Variants in LY75 observed in about 807,000 individuals in gnomAD.
LY75 encodes the protein lymphocyte antigen 75, also known as C-type lectin domain family 13 member B.
Under a neutral mutation model 231.7 loss-of-function variants are expected in LY75, and 185 were observed. That is an observed-to-expected ratio of 0.80 (90% CI 0.71 to 0.90). The LOEUF is 0.90. Among genes scored for constraint, LY75 ranks in the 40% least tolerant of loss-of-function variants. LY75 has a pLI of 0.00. For missense variants in LY75, 1,947 were observed against 2,050.2 expected (o/e 0.95, Z 0.97); for synonymous variants, 668 against 689.0 (o/e 0.97, Z 0.48).
intron 12 of LY75, among the ~76,000 whole-genome samples, chr2:159,874,630 A>G (rs183244023): frequency 6.3e-3 from 67 of 10,618 alleles, no homozygotes; most frequent in East Asian, 0.036. Context: ...ATATATAGTA[A>G]ATATATGTAA....
chr2:159,854,843 C>G (rs1410832426), intron 17 of LY75, 61 bp downstream of exon 17: 2 of 1,595,244 alleles, frequency 1.3e-6, no homozygotes, highest in African/African-American at 2.7e-5. Context: ...AAATAATTAA[C>G]TAAATGCATT....
chr2:159,877,294 T>C (rs1196017482), intron 11 of LY75, among the ~76,000 whole-genome samples: 1 of 152,160 alleles, frequency 6.6e-6, no homozygotes, highest in Non-Finnish European at 1.5e-5. Flanking sequence ...GTCTTCATGA[T>C]CACATTAGAC....
rs375283084 is a variant in LY75 at position 159,803,418 on chromosome 2, T to G, written c.*1626A>C. 3 of 152,320 alleles carry G rather than the reference T, an allele frequency of 2.0e-5. No homozygotes were observed. In the South Asian group the frequency reaches 6.2e-4, roughly 32 times the overall value. 9.4% of individuals were successfully genotyped at this position (152,320 alleles called of 1,614,324 possible). A position where few individuals can be genotyped will look rare whatever the true frequency, so the allele number is the denominator to read the frequency against. ...ACATCACCATTATATACAGCTGTGC[T>G]TTTCACATCAAGTTGGCTTAGTTCT... On this transcript the variant is annotated 3_prime_UTR_variant, in exon 35 of 35. Coordinates refer to ENST00000263636, the MANE Select transcript of LY75 (RefSeq NM_002349.4).
At chr2:159,874,446 C>A (rs375046040) in intron 12 of LY75, among the ~76,000 whole-genome samples, 3 of 40,114 alleles carry the variant, frequency 7.5e-5, no homozygotes, top group Admixed American at 3.2e-4. Context: ...TTTTGTAAAT[C>A]TATATAAATA....
Position 159,885,273 on chromosome 2 carries a change from T to C in LY75, c.934A>G (p.Ile312Val), listed in dbSNP as rs754214578. 1 of 1,613,344 alleles carries C rather than the reference T, an allele frequency of 6.2e-7. No homozygotes were observed. The highest frequency in any genetic ancestry group is 8.5e-7 in the Non-Finnish European group (1 of 1,179,576). Residue 312 changes from isoleucine (I) to valine (V), a missense_variant, in exon 6 of 35, where the codon ATA becomes GTA. Ile to Val is a conservative substitution (Grantham distance 29). Coordinates refer to ENST00000263636, the MANE Select transcript of LY75 (RefSeq NM_002349.4). ...ATTCTTGCACAGCTGGAGCCACCTA[T>C]AGTAGGTGCACTGGGCCTGTCTTAA... ...WDPDRPSAPT[I>V]GGSSCARMDA...
intron 2 of LY75, among the ~76,000 whole-genome samples, chr2:159,897,939 C>G (rs12617388): frequency 0.16 from 24,797 of 152,100 alleles, 2,423 homozygotes; most frequent in East Asian, 0.32. Context: ...TACTTATTTT[C>G]GGAAGCAACT....
At position 159,848,093 on chromosome 2, in the gene LY75, T is replaced by TACACACACACACACACACACACAC. The variant is rs773757343; in HGVS notation, c.3150+1886_3150+1887insGTGTGTGTGTGTGTGTGTGTGTGT. ...GTATATATATATATATATATATATA[T>TACACACACACACACACACACACAC]ACACACACACATACACACACCATAT... On this transcript the variant is annotated intron_variant, in intron 23 of 34. Transcript: ENST00000263636. Among the ~76,000 whole-genome samples, 100 of 28,314 alleles carry TACACACACACACACACACACACAC rather than the reference T, an allele frequency of 3.5e-3. 1 individual carries two copies. Among genetic ancestry groups the TACACACACACACACACACACACAC allele is most frequent in the South Asian group, 0.012 (14 of 1,136 alleles). 18.6% of individuals were successfully genotyped at this position (28,314 alleles called of 152,430 possible).
rs747278842 is a variant in LY75, at chr2:159,864,851, A to C, written c.2187T>G (p.Ser729Arg). 1.4e-5 allele frequency: 23 copies of C among 1,600,054 alleles called. No homozygotes were observed. In the African/African-American group the frequency reaches 2.6e-4, roughly 18 times the overall value. Residue 729 changes from serine (S) to arginine (R), a missense_variant, in exon 14 of 35, where the codon AGT (serine) becomes AGG (arginine). By Grantham distance (110) the Ser-to-Arg change is moderately radical. Coordinates refer to ENST00000263636, the MANE Select transcript of LY75 (RefSeq NM_002349.4). Reference protein sequence around the residue: ...SPDLQGSWQWSDRTPVSTIIM... With the variant: ...SPDLQGSWQWRDRTPVSTIIM... The stretch of plus-strand genomic sequence containing the variant: ...CGTTTTAACTTACTGGTGTACGATC[A>C]CTCCATTGCCAGGATCCTTGTAAAT...
intron 12 of LY75, among the ~76,000 whole-genome samples, chr2:159,874,729 AAATATATGTAAATATATATATT>A (rs1685188768): frequency 1.1e-5 from 1 of 87,398 alleles, no homozygotes; most frequent in African/African-American, 3.7e-5. Flanking sequence ...TATATTTTGT[AAATATATGTAAATATATATATT>A]TTGTAAATAT....
intron 21 of LY75, among the ~76,000 whole-genome samples, chr2:159,851,690 A>G (rs542919118): frequency 6.6e-6 from 1 of 152,236 alleles, no homozygotes; most frequent in Non-Finnish European, 1.5e-5. Context: ...AGGCAGATAC[A>G]GAATGCAGCA....
At chr2:159,878,235 T>C in intron 11 of LY75, 89 bp downstream of exon 11, 1 of 1,514,812 alleles carries the variant, frequency 6.6e-7, no homozygotes, top group African/African-American at 1.4e-5. Context: ...GTCCCTCACA[T>C]TTCAAAAGTA....
In LY75 at chr2:159,858,369, A is replaced by G; in HGVS notation, c.2376T>C (p.Ile792=). 1 of 1,612,850 alleles carries G rather than the reference A, an allele frequency of 6.2e-7. No homozygotes were observed. Among genetic ancestry groups the G allele is most frequent in the South Asian group, 1.1e-5 (1 of 90,840 alleles). Residue 792 remains isoleucine (I), a synonymous_variant, in exon 16 of 35, where the codon ATT becomes ATC. Coordinates refer to ENST00000263636, the MANE Select transcript of LY75 (RefSeq NM_002349.4). The part of the protein sequence containing the change: ...CDTKLEWVCQ[I]PKGRTPKTPD... ...GGAATAACTACCACTTACCTTTTGG[A>G]ATTTGGCACACCCATTCAAGTTTTG... is the stretch of plus-strand genomic sequence containing the variant.
chr2:159,864,250 C>T (rs954647618), intron 14 of LY75, among the ~76,000 whole-genome samples: 1 of 151,918 alleles, frequency 6.6e-6, no homozygotes, highest in African/African-American at 2.4e-5. Flanking sequence ...TGATGTAATC[C>T]CATTTGTCTA....
chr2:159,821,169 C>G (rs1484523112), intron 28 of LY75, among the ~76,000 whole-genome samples: 1 of 148,240 alleles, frequency 6.7e-6, no homozygotes, highest in Non-Finnish European at 1.5e-5. Flanking sequence ...GATGCCAAGA[C>G]AATTCAGTGT....
chr2:159,898,727 C>T lies in LY75; in HGVS notation c.427G>A (p.Gly143Arg). The T allele has an allele frequency of 1.2e-6, 2 of 1,614,126 alleles. No individual in the cohort carries two copies. ...ISNASDVWKK[G>R]GSEESLCDQP... is the part of the protein sequence containing the mutation. ...TCACAAAGGCTTTCCTCTGAGCCTC[C>T]TTTCTTCCAGACATCAGATGCATTT... The change falls in exon 2 of 35, where the codon GGA becomes AGA. Residue 143 changes from glycine (G) to arginine (R), a missense_variant. Transcript: ENST00000263636.
intron 15 of LY75, among the ~76,000 whole-genome samples, chr2:159,859,169 A>G (rs554505116): frequency 5.3e-5 from 8 of 152,344 alleles, no homozygotes; most frequent in Non-Finnish European, 1.2e-4. Context: ...TTATTGTACC[A>G]GTGTTCTCAA....
chr2:159,879,779 T>C (rs542119656), intron 8 of LY75, among the ~76,000 whole-genome samples: 1 of 152,336 alleles, frequency 6.6e-6, no homozygotes, highest in South Asian at 2.1e-4. Context: ...TGTAAAATGA[T>C]GATGGTGGCT....
chr2:159,854,550 GAAA>G lies in LY75; in HGVS notation c.2420-18_2420-16del. 6.2e-7 allele frequency: 1 copy of G among 1,607,048 alleles called. No homozygotes were observed. The highest frequency in any genetic ancestry group is 8.5e-7 in the Non-Finnish European group (1 of 1,176,426). Reference sequence around the variant, plus strand: ...TCCAGCACGGTCTAAAGAAGAAGAAGAAAAAGATTAGAATTATGACTATGCAAA... The same window carrying G: ...TCCAGCACGGTCTAAAGAAGAAGAAGAAGATTAGAATTATGACTATGCAAA... On this transcript the variant is annotated splice_polypyrimidine_tract_variant and intron_variant, in intron 17 of 34. Transcript: ENST00000263636.
chr2:159,901,840 A>C (rs1224169705), intron 1 of LY75, among the ~76,000 whole-genome samples: 1 of 152,236 alleles, frequency 6.6e-6, no homozygotes, highest in Non-Finnish European at 1.5e-5. Context: ...ACTTAAAGGA[A>C]ACTTATTAGC....
Sources: allele counts gnomAD v4.1 joint callset (sites outside exome capture counted in the v4.1 genomes callset), GRCh38; gene constraint gnomAD v4.1.1; transcripts MANE v1.5; gene names NCBI Gene and HGNC (gene_info 2026-07-23, HGNC 2026-07-21).